COMMD10: variants seen among roughly 807,000 people sequenced by gnomAD.
The protein encoded by COMMD10 is COMM domain-containing protein 10.
A neutral mutation model predicts 28.9 loss-of-function variants in COMMD10; 33 were observed. The ratio of observed to expected loss-of-function variants is 1.14; its 90% CI spans 0.87 to 1.53. COMMD10 has a LOEUF of 1.53. COMMD10 is among the 40% of genes most tolerant of loss of function. COMMD10 has a pLI of 0.00. For missense variants in COMMD10, 310 were observed against 233.4 expected (o/e 1.33, Z -2.14); for synonymous variants, 110 against 81.7 (o/e 1.35, Z -1.87).
At chr5:116,151,922 T>G (rs1752541606) in intron 5 of COMMD10, among the ~76,000 whole-genome samples, 1 of 152,196 alleles carries the variant, frequency 6.6e-6, no homozygotes. Context: ...TTGCTCTTGC[T>G]TTTCTAGTTG....
intron 6 of COMMD10, 117 bp downstream of exon 6, chr5:116,291,693 C>A: frequency 3.5e-6 from 2 of 570,284 alleles, no homozygotes; most frequent in Non-Finnish European, 6.0e-6. Context: ...TTTAAACTTC[C>A]CTTATAAAAG....
chr5:116,139,144 G>T (rs7733128), intron 5 of COMMD10, among the ~76,000 whole-genome samples: 76,189 of 151,576 alleles, frequency 0.5, 21,723 homozygotes, highest in Non-Finnish European at 0.65. Context: ...ATGTTTCAAG[G>T]TGTTGAAAGC....
In COMMD10 at chr5:116,129,396, C is replaced by T. The variant is rs6881633; in HGVS notation, c.400-4672C>T. ...TATTTTATATATATTAGTATATATA[C>T]ACTATATACTATGTAATATACATTA... On this transcript the variant is annotated intron_variant, in intron 4 of 6. Transcript: ENST00000274458. Among the ~76,000 whole-genome samples the T allele has an allele frequency of 7.0e-3, 911 of 130,266 alleles. 20 individuals are homozygous for T. Among genetic ancestry groups the T allele is most frequent in the East Asian group, 0.043 (165 of 3,848 alleles). The allele number at this position is 130,266 out of a possible 152,430, so 85.5% of individuals were successfully genotyped here. A position where few individuals can be genotyped will look rare whatever the true frequency, so the allele number is the denominator to read the frequency against.
Position 116,292,437 on chromosome 5 carries a change from G to C in COMMD10, c.571-14G>C. 2 of 990,720 alleles carry C rather than the reference G, an allele frequency of 2.0e-6. No individual in the cohort carries two copies. Among genetic ancestry groups the C allele is most frequent in the South Asian group, 2.9e-5 (1 of 34,170 alleles). 61.4% of individuals were successfully genotyped at this position (990,720 alleles called of 1,614,324 possible). A position where few individuals can be genotyped will look rare whatever the true frequency, so the allele number is the denominator to read the frequency against. On this transcript the variant is annotated splice_polypyrimidine_tract_variant and intron_variant, in intron 6 of 6. Coordinates refer to ENST00000274458, the MANE Select transcript of COMMD10 (RefSeq NM_016144.4). Reference sequence around the variant, plus strand: ...TTCACTAACGTCTTTTTTTTTTTTTGTCTTTGTAAATAGCTAGAGACTATA... The same window carrying C: ...TTCACTAACGTCTTTTTTTTTTTTTCTCTTTGTAAATAGCTAGAGACTATA...
chr5:116,244,986 A>G (rs1749904927), intron 5 of COMMD10, among the ~76,000 whole-genome samples: 1 of 152,010 alleles, frequency 6.6e-6, no homozygotes, highest in Non-Finnish European at 1.5e-5. Context: ...CCAAAATCAG[A>G]GCTGAATTGA....
At chr5:116,104,558 G>T (rs544528766) in intron 4 of COMMD10, among the ~76,000 whole-genome samples, 1 of 152,150 alleles carries the variant, frequency 6.6e-6, no homozygotes, top group East Asian at 1.9e-4. Context: ...GAGATGATGG[G>T]GTTTTCTAAA....
At chr5:116,191,914 C>T (rs7443669) in intron 5 of COMMD10, among the ~76,000 whole-genome samples, 15,981 of 151,068 alleles carry the variant, frequency 0.11, 954 homozygotes, top group African/African-American at 0.15. Flanking sequence ...CCTCCCACCC[C>T]CCACTAACTC....
chr5:116,217,495 C>T (rs138977555), intron 5 of COMMD10, among the ~76,000 whole-genome samples: 11 of 152,234 alleles, frequency 7.2e-5, no homozygotes, highest in East Asian at 5.8e-4. Context: ...GAAATGAAAA[C>T]GGCAGAATTT....
chr5:116,282,167 G>T (rs1170035708), intron 5 of COMMD10, among the ~76,000 whole-genome samples: 1 of 151,816 alleles, frequency 6.6e-6, no homozygotes, highest in African/African-American at 2.4e-5. Context: ...TCCAGCTTCT[G>T]CCAGAAACCT....
chr5:116,193,378 A>G (rs1748423510), intron 5 of COMMD10, among the ~76,000 whole-genome samples: 1 of 152,244 alleles, frequency 6.6e-6, no homozygotes, highest in Admixed American at 6.5e-5. Context: ...AGAGTGGCAT[A>G]ATGGATAAGA....
chr5:116,265,460 G>A (rs900245037), intron 5 of COMMD10, among the ~76,000 whole-genome samples: 2 of 151,628 alleles, frequency 1.3e-5, no homozygotes, highest in Non-Finnish European at 2.9e-5. Flanking sequence ...ACATAACTCT[G>A]TGTACTTAAA....
At chr5:116,251,685 G>A in intron 5 of COMMD10, among the ~76,000 whole-genome samples, 1 of 150,766 alleles carries the variant, frequency 6.6e-6, no homozygotes, top group Non-Finnish European at 1.5e-5. Flanking sequence ...TCTTAATCCA[G>A]TCTATCATTG....
At chr5:116,134,576 A>G (rs1381809138) in intron 5 of COMMD10, among the ~76,000 whole-genome samples, 1 of 152,182 alleles carries the variant, frequency 6.6e-6, no homozygotes, top group African/African-American at 2.4e-5. Flanking sequence ...TGTGTGTAGT[A>G]GTATAGTATG....
intron 5 of COMMD10, among the ~76,000 whole-genome samples, chr5:116,168,457 T>C (rs1753206117): frequency 6.6e-6 from 1 of 152,156 alleles, no homozygotes; most frequent in African/African-American, 2.4e-5. Flanking sequence ...ACTTAGGACT[T>C]GAACTCAGCG....
At position 116,210,136 on chromosome 5, in the gene COMMD10, A is replaced by G. The variant is rs570148489; in HGVS notation, c.510+75958A>G. 8.5e-4 allele frequency among the ~76,000 whole-genome samples: 129 copies of G among 152,306 alleles called. 2 individuals are homozygous for G. In the Middle Eastern group the frequency reaches 0.014, roughly 16 times the overall value. On this transcript the variant is annotated intron_variant, in intron 5 of 6. Coordinates refer to ENST00000274458, the MANE Select transcript of COMMD10 (RefSeq NM_016144.4). ...CCTTGATAACTAACTCACTCCTGCA[A>G]TAACAGTCTTAATCCATTCACAAGG...
chr5:116,160,423 G>T (rs901489973), intron 5 of COMMD10, among the ~76,000 whole-genome samples: 2 of 152,166 alleles, frequency 1.3e-5, no homozygotes, highest in Admixed American at 1.3e-4. Flanking sequence ...ATCAGGTGCT[G>T]TATTAAAATG....
chr5:116,161,720 T>A (rs1752924842), intron 5 of COMMD10, among the ~76,000 whole-genome samples: 1 of 152,200 alleles, frequency 6.6e-6, no homozygotes, highest in African/African-American at 2.4e-5. Flanking sequence ...AAGATCTTCA[T>A]CCTCATCATC....
At chr5:116,217,932 C>T in intron 5 of COMMD10, 1 of 703,322 alleles carries the variant, frequency 1.4e-6, no homozygotes, top group Non-Finnish European at 2.5e-6. Flanking sequence ...AAAAGTAAAA[C>T]AAAATTTTGC....
chr5:116,255,536 T>C lies in COMMD10; in HGVS notation c.511-35981T>C, dbSNP rs1045260569. Reference sequence around the variant, plus strand: ...CAGCATTTGCTTGAGCAGACTCTATTTTCAAGAGAAGTAGTTGAGTCTTAG... The same window carrying C: ...CAGCATTTGCTTGAGCAGACTCTATCTTCAAGAGAAGTAGTTGAGTCTTAG... On this transcript the variant is annotated intron_variant, in intron 5 of 6. Coordinates refer to ENST00000274458, the MANE Select transcript of COMMD10 (RefSeq NM_016144.4). Among the ~76,000 whole-genome samples the C allele has an allele frequency of 2.0e-5, 3 of 151,590 alleles. No homozygotes were observed. In the East Asian group the frequency reaches 5.8e-4, roughly 29 times the overall value.
Sources: allele counts gnomAD v4.1 joint callset (sites outside exome capture counted in the v4.1 genomes callset), GRCh38; gene constraint gnomAD v4.1.1; transcripts MANE v1.5; gene names NCBI Gene and HGNC (gene_info 2026-07-23, HGNC 2026-07-21).